SLC25A21: variants seen among roughly 807,000 people sequenced by gnomAD.
SLC25A21 encodes solute carrier family 25 member 21, also known as mitochondrial 2-oxodicarboxylate carrier.
SLC25A21 carries 47 observed loss-of-function variants against 43.8 expected under a neutral mutation model. The ratio of observed to expected loss-of-function variants is 1.07; its 90% confidence interval spans 0.85 to 1.37. SLC25A21 has a LOEUF of 1.37. Ranked by LOEUF, SLC25A21 falls within the 40% of genes most tolerant of loss-of-function variation. SLC25A21 has a pLI of 0.00. For synonymous variants in SLC25A21, 131 were observed against 121.3 expected, an observed-to-expected ratio of 1.08 and a Z score of -0.52; for missense variants, 352 against 350.2, an observed-to-expected ratio of 1.00 and a Z score of -0.04.
chr14:36,979,358 T>C (rs1043845363), intron 1 of SLC25A21, among the ~76,000 whole-genome samples: 4 of 150,386 alleles, frequency 2.7e-5, no homozygotes, highest in African/African-American at 1.0e-4. Context: ...TTTTTGTTTG[T>C]TTGTTTGTTT....
rs142568902 is a variant in SLC25A21, at chr14:36,826,416, T to C, written c.120-12415A>G. Among the ~76,000 whole-genome samples, 15 of 152,310 alleles carry C rather than the reference T, an allele frequency of 9.8e-5. No individual in the cohort carries two copies. The East Asian group carries it at 1.9e-3, about 20-fold the overall frequency. On this transcript the variant is annotated intron_variant, in intron 2 of 9. Transcript: ENST00000331299. ...TGTGCTGTTTTCTCTCTTTTTCCTATGCAGTGAGGTCTCATTTGTTGCCCA... is the reference window on the plus strand; with the variant it reads ...TGTGCTGTTTTCTCTCTTTTTCCTACGCAGTGAGGTCTCATTTGTTGCCCA...
chr14:36,786,470 T>G (rs1289494179), intron 3 of SLC25A21, among the ~76,000 whole-genome samples: 2 of 152,230 alleles, frequency 1.3e-5, no homozygotes, highest in Non-Finnish European at 2.9e-5. Context: ...ACAGGCCAAT[T>G]AGAACAGCTC....
chr14:37,156,918 T>C (rs1317711509), intron 1 of SLC25A21, among the ~76,000 whole-genome samples: 1 of 152,194 alleles, frequency 6.6e-6, no homozygotes, highest in Non-Finnish European at 1.5e-5. Flanking sequence ...AACTGCACAT[T>C]AGATCAAATG....
chr14:36,895,476 CT>C (rs1456336293), intron 1 of SLC25A21, among the ~76,000 whole-genome samples: 3 of 152,092 alleles, frequency 2.0e-5, no homozygotes, highest in Non-Finnish European at 4.4e-5. Flanking sequence ...TTTTGTTGAT[CT>C]TTTCAAAAAA....
At chr14:36,784,221 T>C (rs1046853954) in intron 3 of SLC25A21, among the ~76,000 whole-genome samples, 3 of 152,202 alleles carry the variant, frequency 2.0e-5, no homozygotes, top group Non-Finnish European at 4.4e-5. Context: ...CATAATTCAA[T>C]TGACACATTT....
intron 1 of SLC25A21, among the ~76,000 whole-genome samples, chr14:37,016,210 A>G: frequency 6.6e-6 from 1 of 152,072 alleles, no homozygotes; most frequent in Non-Finnish European, 1.5e-5. Context: ...ATCTTGAATT[A>G]ATTTTTGTAT....
At chr14:37,153,481 G>A (rs1963794681) in intron 1 of SLC25A21, among the ~76,000 whole-genome samples, 1 of 152,236 alleles carries the variant, frequency 6.6e-6, no homozygotes, top group Non-Finnish European at 1.5e-5. Flanking sequence ...GTTGCTGGTG[G>A]GACTTGGTTG....
intron 1 of SLC25A21, among the ~76,000 whole-genome samples, chr14:37,117,149 G>C (rs1171641066): frequency 6.6e-6 from 1 of 152,094 alleles, no homozygotes; most frequent in Admixed American, 6.6e-5. Flanking sequence ...TCAACATAGA[G>C]CTAAAAGGTA....
intron 1 of SLC25A21, among the ~76,000 whole-genome samples, chr14:37,105,857 C>T (rs566256101): frequency 5.3e-4 from 80 of 152,164 alleles, no homozygotes; most frequent in Middle Eastern, 6.8e-3. Flanking sequence ...CTTGCTAATG[C>T]CATTTTTGTC....
intron 6 of SLC25A21, among the ~76,000 whole-genome samples, chr14:36,722,350 T>G (rs1884408589): frequency 1.3e-5 from 2 of 152,156 alleles, no homozygotes. Context: ...GATACTATAA[T>G]GGTGAATATA....
At chr14:36,892,722 C>T (rs554126285) in intron 1 of SLC25A21, among the ~76,000 whole-genome samples, 4 of 152,006 alleles carry the variant, frequency 2.6e-5, no homozygotes, top group Non-Finnish European at 4.4e-5. Context: ...CAACTGGCCC[C>T]GGTGTGTGAT....
At chr14:36,843,115 C>T (rs1451606265) in intron 2 of SLC25A21, among the ~76,000 whole-genome samples, 1 of 152,162 alleles carries the variant, frequency 6.6e-6, no homozygotes, top group Non-Finnish European at 1.5e-5. Flanking sequence ...GCTCATTCAC[C>T]TGCTGCTCAT....
chr14:36,970,896 ATT>A (rs1959734810), intron 1 of SLC25A21, among the ~76,000 whole-genome samples: 2 of 152,172 alleles, frequency 1.3e-5, no homozygotes, highest in African/African-American at 4.8e-5. Context: ...CCTTTTAGAA[ATT>A]TTGTTAAAAT....
intron 1 of SLC25A21, among the ~76,000 whole-genome samples, chr14:37,064,775 A>C (rs751683292): frequency 6.6e-5 from 10 of 152,062 alleles, no homozygotes; most frequent in Non-Finnish European, 8.8e-5. Context: ...GTTGACAAAA[A>C]CTCTTGTCCA....
At chr14:36,894,185 T>G (rs1351996976) in intron 1 of SLC25A21, among the ~76,000 whole-genome samples, 1 of 152,180 alleles carries the variant, frequency 6.6e-6, no homozygotes, top group Non-Finnish European at 1.5e-5. Context: ...GGAATGTTCT[T>G]CCATTTGTTT....
chr14:36,822,446 T>G (rs1888668661), intron 2 of SLC25A21, among the ~76,000 whole-genome samples: 1 of 152,248 alleles, frequency 6.6e-6, no homozygotes, highest in Admixed American at 6.5e-5. Flanking sequence ...CTTTGACTGG[T>G]TAAAATCTAT....
intron 1 of SLC25A21, among the ~76,000 whole-genome samples, chr14:36,999,007 C>G (rs1427630383): frequency 6.6e-6 from 1 of 152,100 alleles, no homozygotes; most frequent in Non-Finnish European, 1.5e-5. Context: ...TGGTTTCTTA[C>G]AAAAGTACAC....
At chr14:36,712,964 C>T (rs1217998462) in intron 6 of SLC25A21, among the ~76,000 whole-genome samples, 1 of 152,110 alleles carries the variant, frequency 6.6e-6, no homozygotes, top group Non-Finnish European at 1.5e-5. Flanking sequence ...GCTGAGTAAA[C>T]TGCCCAAGTA....
intron 1 of SLC25A21, among the ~76,000 whole-genome samples, chr14:37,133,533 A>G (rs1963427359): frequency 6.6e-6 from 1 of 151,870 alleles, no homozygotes; most frequent in Admixed American, 6.6e-5. Context: ...CCTTCCGACT[A>G]GTCCCCTTAT....
Sources: allele counts gnomAD v4.1 joint callset (sites outside exome capture counted in the v4.1 genomes callset), GRCh38; gene constraint gnomAD v4.1.1; transcripts MANE v1.5; gene names NCBI Gene and HGNC (gene_info 2026-07-23, HGNC 2026-07-21).